Variants in NHSL2 observed in about 807,000 individuals in gnomAD.
The protein encoded by NHSL2 is NHS-like protein 2.
A neutral mutation model predicts 53.4 loss-of-function variants in NHSL2; 27 were observed. That is an observed-to-expected ratio of 0.51 (90% CI 0.37 to 0.70). NHSL2 has a LOEUF of 0.70. Ranked by LOEUF, NHSL2 falls within the 30% of genes least tolerant of loss-of-function variation. NHSL2 has a pLI of 0.00. For synonymous variants in NHSL2, 408 were observed against 404.1 expected, an observed-to-expected ratio of 1.01 and a Z score of -0.12; for missense variants, 892 against 980.1, an observed-to-expected ratio of 0.91 and a Z score of 1.20.
At chrX:71,973,295 G>T (rs1422934958) in intron 1 of NHSL2, among the ~76,000 whole-genome samples, 2 of 112,536 alleles carry the variant, frequency 1.8e-5, no homozygotes, top group African/African-American at 6.5e-5. Context: ...ATCCCATGAG[G>T]TGTCTTCTTA....
At chrX:71,985,691 G>C (rs1039203291) in intron 1 of NHSL2, among the ~76,000 whole-genome samples, 1 of 112,470 alleles carries the variant, frequency 8.9e-6, no homozygotes, top group African/African-American at 3.2e-5. Flanking sequence ...TTTAAGCTAA[G>C]TTAAAAAAGA....
rs189351831 is a variant in NHSL2 at position 71,945,751 on chromosome X, C to T, written c.280+34384C>T. The stretch of plus-strand genomic sequence containing the variant: ...TATATGGGCTAGCAGGGAAGAGAGA[C>T]TTGTTTTTCTCTTTTTTCCTGACCA... On this transcript the variant is annotated intron_variant, in intron 1 of 7. Transcript: ENST00000633930. Among the ~76,000 whole-genome samples the T allele has an allele frequency of 1.4e-3, 152 of 111,593 alleles. 1 individual carries two copies. Among genetic ancestry groups the T allele is most frequent in the Admixed American group, 4.7e-3 (49 of 10,532 alleles).
intron 1 of NHSL2, among the ~76,000 whole-genome samples, chrX:72,086,013 A>G (rs755152659): frequency 1.8e-5 from 2 of 111,668 alleles, no homozygotes; most frequent in Admixed American, 9.5e-5. Context: ...ATCTCTCCCA[A>G]TGGGCCTCCT....
At chrX:71,993,372 T>C (rs1251903079) in intron 1 of NHSL2, among the ~76,000 whole-genome samples, 1 of 111,880 alleles carries the variant, frequency 8.9e-6, no homozygotes, top group Non-Finnish European at 1.9e-5. Context: ...ATGGGAGCCA[T>C]GGAGGGGATT....
intron 1 of NHSL2, among the ~76,000 whole-genome samples, chrX:72,084,350 C>G (rs2041817052): frequency 8.9e-6 from 1 of 112,398 alleles, no homozygotes. Flanking sequence ...AGCCTGGGGT[C>G]TGCAGGTCAC....
intron 1 of NHSL2, among the ~76,000 whole-genome samples, chrX:71,971,779 G>T (rs2041925918): frequency 9.0e-6 from 1 of 111,249 alleles, no homozygotes; most frequent in African/African-American, 3.3e-5. Flanking sequence ...TCTCAGCCAG[G>T]TGTAGTGGCA....
At chrX:72,116,166 A>G (rs1602381217) in intron 1 of NHSL2, among the ~76,000 whole-genome samples, 2 of 111,869 alleles carry the variant, frequency 1.8e-5, no homozygotes, top group Admixed American at 9.5e-5. Context: ...CCTGCTTCAT[A>G]GGGCTGTCAT....
At chrX:72,009,387 A>G (rs2042106986) in intron 1 of NHSL2, among the ~76,000 whole-genome samples, 1 of 112,660 alleles carries the variant, frequency 8.9e-6, no homozygotes, top group South Asian at 3.7e-4. Flanking sequence ...CCAGAGGGCA[A>G]GGGAGCCTGT....
At chrX:71,952,717 C>T (rs2041826287) in intron 1 of NHSL2, among the ~76,000 whole-genome samples, 1 of 110,588 alleles carries the variant, frequency 9.0e-6, no homozygotes, top group Non-Finnish European at 1.9e-5. Flanking sequence ...TTTTGGGGGG[C>T]TACCAATGTT....
At position 72,139,779 on chromosome X, in the gene NHSL2, T is replaced by C. The variant is rs753397444; in HGVS notation, c.2231T>C (p.Val744Ala). The C allele has an allele frequency of 8.3e-7, 1 of 1,208,872 alleles. No individual in the cohort carries two copies. The highest frequency in any genetic ancestry group is 1.8e-5 in the African/African-American group (1 of 56,854). The part of the protein sequence containing the change: ...HLPPPSSSVR[V>A]RPVVPERKSS... ...CCCCCTCCAAGCAGCAGTGTCCGGG[T>C]ACGTCCAGTGGTACCTGAGAGGAAG... Residue 744 changes from valine to alanine, a missense_variant, in exon 6 of 8, where the codon GTA becomes GCA. Val to Ala is a moderately conservative substitution (Grantham distance 64). Coordinates refer to ENST00000633930, the MANE Select transcript of NHSL2 (RefSeq NM_001013627.3).
intron 1 of NHSL2, among the ~76,000 whole-genome samples, chrX:72,051,491 C>T (rs1334906886): frequency 1.8e-5 from 2 of 111,405 alleles, no homozygotes; most frequent in African/African-American, 6.5e-5. Flanking sequence ...AACATTTCAC[C>T]CTAGGCCCTC....
chrX:72,047,628 T>C (rs1266980771), intron 1 of NHSL2, among the ~76,000 whole-genome samples: 1 of 111,348 alleles, frequency 9.0e-6, no homozygotes, highest in Non-Finnish European at 1.9e-5. Context: ...TTCCAGGGAG[T>C]CCATATGCAA....
chrX:71,910,950 G>A lies in NHSL2; in HGVS notation c.-138G>A, dbSNP rs753522457. ...CGCCCGTCGTCTTTGGCGCCCGCAC[G>A]CTCTCCGGCCCGCGCCCAGGGGCCT... is the stretch of plus-strand genomic sequence containing the variant. On this transcript the variant is annotated 5_prime_UTR_variant, in exon 1 of 8. Coordinates refer to ENST00000633930, the MANE Select transcript of NHSL2 (RefSeq NM_001013627.3). 4.0e-5 allele frequency: 17 copies of A among 424,153 alleles called. No individual in the cohort carries two copies. The African/African-American group carries it at 4.2e-4, about 10-fold the overall frequency. 35.0% of individuals were successfully genotyped at this position (424,153 alleles called of 1,213,427 possible). A position where few individuals can be genotyped will look rare whatever the true frequency, so the allele number is the denominator to read the frequency against.
intron 1 of NHSL2, among the ~76,000 whole-genome samples, chrX:72,097,163 A>G (rs1376970421): frequency 8.9e-6 from 1 of 112,252 alleles, no homozygotes; most frequent in Non-Finnish European, 1.9e-5. Flanking sequence ...ATTCCTTTCA[A>G]ACCTTGGGCC....
At chrX:71,918,281 T>G (rs929554285) in intron 1 of NHSL2, among the ~76,000 whole-genome samples, 1 of 111,963 alleles carries the variant, frequency 8.9e-6, no homozygotes, top group Non-Finnish European at 1.9e-5. Flanking sequence ...GGCTTGACGA[T>G]ATCTTTTATT....
intron 1 of NHSL2, among the ~76,000 whole-genome samples, chrX:72,011,460 AG>A: frequency 1.8e-5 from 2 of 112,370 alleles, no homozygotes; most frequent in South Asian, 7.3e-4. Flanking sequence ...TCACGAGGTC[AG>A]GAGATCAAGA....
chrX:72,130,059 C>T lies in NHSL2; in HGVS notation c.281-2020C>T, dbSNP rs755133990. ...GCTGTATTATGGGAGGTGATGCACC[C>T]AGGAAGTTTTCGGCGTGGTAACCAC... On this transcript the variant is annotated intron_variant, in intron 1 of 7. Transcript: ENST00000633930. 2.6e-5 allele frequency: 32 copies of T among 1,209,312 alleles called. No individual in the cohort carries two copies. The South Asian group carries it at 5.5e-4, about 21-fold the overall frequency.
chrX:72,133,880 T>C (rs2042330743), intron 2 of NHSL2: 2 of 374,813 alleles, frequency 5.3e-6, no homozygotes, highest in Non-Finnish European at 9.3e-6. Flanking sequence ...CATGAATTTA[T>C]TGACTTTCTC....
At chrX:72,013,725 G>A (rs2042125222) in intron 1 of NHSL2, among the ~76,000 whole-genome samples, 2 of 110,316 alleles carry the variant, frequency 1.8e-5, no homozygotes, top group African/African-American at 6.6e-5. Flanking sequence ...TATATATTTG[G>A]TGTAAGTTGT....
Sources: gnomAD v4.1 joint callset for allele counts (sites outside exome capture counted in the v4.1 genomes callset) on GRCh38, gnomAD v4.1.1 for gene constraint, MANE v1.5 for transcripts, NCBI Gene and HGNC (gene_info 2026-07-23, HGNC 2026-07-21) for gene names.